SCAPER: variants seen among roughly 807,000 people sequenced by gnomAD.
SCAPER encodes the protein S phase cyclin A-associated protein in the endoplasmic reticulum.
Under a neutral mutation model 182.2 loss-of-function variants are expected in SCAPER, and 98 were observed. The ratio of observed to expected loss-of-function variants is 0.54; its 90% confidence interval spans 0.46 to 0.64. The LOEUF is 0.64. SCAPER is among the 30% of genes least tolerant of loss of function. The pLI is 0.00. For synonymous variants in SCAPER, 605 were observed against 564.6 expected (o/e 1.07, Z -1.01); for missense variants, 1,432 against 1,690.0 (o/e 0.85, Z 2.68).
chr15:76,648,793 T>C (rs1275064492), intron 21 of SCAPER, among the ~76,000 whole-genome samples: 2 of 152,206 alleles, frequency 1.3e-5, no homozygotes, highest in African/African-American at 2.4e-5. Flanking sequence ...CTGAAAGCTG[T>C]GCCAATAGGG....
At chr15:76,436,428 GT>G (rs2047202066) in intron 25 of SCAPER, among the ~76,000 whole-genome samples, 1 of 151,970 alleles carries the variant, frequency 6.6e-6, no homozygotes, top group African/African-American at 2.4e-5. Context: ...TTCTCTGGCT[GT>G]TCATCTTTTT....
intron 8 of SCAPER, among the ~76,000 whole-genome samples, chr15:76,784,660 A>C (rs1034992966): frequency 6.6e-6 from 1 of 152,254 alleles, no homozygotes; most frequent in Admixed American, 6.5e-5. Flanking sequence ...AGTAACCAAA[A>C]CAGCATGGTA....
chr15:76,496,011 C>T (rs1474847692), intron 24 of SCAPER, among the ~76,000 whole-genome samples: 1 of 149,718 alleles, frequency 6.7e-6, no homozygotes, highest in African/African-American at 2.5e-5. Context: ...CACACACACA[C>T]ACACACACAC....
At chr15:76,494,669 C>T (rs1462725661) in intron 24 of SCAPER, among the ~76,000 whole-genome samples, 1 of 152,086 alleles carries the variant, frequency 6.6e-6, no homozygotes, top group African/African-American at 2.4e-5. Context: ...ATTGACGCAA[C>T]CTTCGAACCA....
intron 20 of SCAPER, among the ~76,000 whole-genome samples, chr15:76,694,806 T>G (rs1219613850): frequency 6.6e-6 from 1 of 152,156 alleles, no homozygotes; most frequent in African/African-American, 2.4e-5. Flanking sequence ...CAAATTTAAC[T>G]ATGTACTTTT....
intron 4 of SCAPER, among the ~76,000 whole-genome samples, chr15:76,850,686 C>A (rs1407273195): frequency 6.6e-6 from 1 of 151,892 alleles, no homozygotes; most frequent in African/African-American, 2.4e-5. Flanking sequence ...CACAGTGAAA[C>A]ACCATCTCTA....
intron 21 of SCAPER, among the ~76,000 whole-genome samples, chr15:76,630,811 C>T (rs2053039764): frequency 6.6e-6 from 1 of 152,114 alleles, no homozygotes; most frequent in Non-Finnish European, 1.5e-5. Context: ...TCTATCAGGT[C>T]CACTTGATCC....
At chr15:76,726,223 T>C (rs1478337305) in intron 17 of SCAPER, among the ~76,000 whole-genome samples, 1 of 145,010 alleles carries the variant, frequency 6.9e-6, no homozygotes, top group East Asian at 2.0e-4. Context: ...AGTGGTAACC[T>C]GTCCCCAAAA....
At chr15:76,666,315 T>C (rs2146773855) in intron 20 of SCAPER, among the ~76,000 whole-genome samples, 1 of 152,246 alleles carries the variant, frequency 6.6e-6, no homozygotes, top group East Asian at 1.9e-4. Flanking sequence ...AAGAAGGTCA[T>C]CTCAGAAAAC....
At position 76,354,071 on chromosome 15, in the gene SCAPER, T is replaced by A. The variant is rs760574113; in HGVS notation, c.3925A>T (p.Ser1309Cys). 6.2e-6 allele frequency: 10 copies of A among 1,611,444 alleles called. No individual in the cohort carries two copies. In the Admixed American group the frequency reaches 1.7e-4, roughly 27 times the overall value. ...AGTACTTTGATCAGCCGTGGGTCAC[T>A]GAAATACTGGAAGGGCAACTGGCAG... ...KLCQLPFQYF[S>C]DPRLIKVLFP... is the part of the protein sequence containing the mutation. The change falls in exon 30 of 32, where the codon AGT (serine) becomes TGT (cysteine). Residue 1309 changes from serine to cysteine, a missense_variant. Ser to Cys is a moderately radical substitution (Grantham distance 112). Around this residue, in one of 5 missense-constraint regions of SCAPER, gnomAD observed 718 missense variants for 799.7 expected, o/e 0.90. Transcript: ENST00000563290. This position sits in a 1 kb window ranked among gnomAD's most constrained non-coding sequence, Gnocchi z 4.4.
At chr15:76,902,784 C>G (rs2074860657) in intron 1 of SCAPER, among the ~76,000 whole-genome samples, 1 of 152,186 alleles carries the variant, frequency 6.6e-6, no homozygotes. Context: ...AGGCCAGGTG[C>G]AGTGGCGCAC....
chr15:76,405,896 G>A (rs923114853), intron 26 of SCAPER, among the ~76,000 whole-genome samples: 6 of 152,132 alleles, frequency 3.9e-5, no homozygotes, highest in African/African-American at 1.4e-4. Context: ...AGGATAAACT[G>A]ATGAATAATT....
rs62026897 is a variant in SCAPER at position 76,648,013 on chromosome 15, T to C, written c.2645+17640A>G. Among the ~76,000 whole-genome samples the C allele has an allele frequency of 6.1e-3, 927 of 151,966 alleles. 6 individuals carry two copies. Among genetic ancestry groups the C allele is most frequent in the Middle Eastern group, 0.01 (3 of 294 alleles). On this transcript the variant is annotated intron_variant, in intron 21 of 31. Transcript: ENST00000563290. ...TAAAGAAAACAATAAAACCCAGACA[T>C]AGAGCAATGTAGCATTTATACTGTC...
At chr15:76,889,479 C>T (rs1178935566) in intron 1 of SCAPER, among the ~76,000 whole-genome samples, 1 of 152,060 alleles carries the variant, frequency 6.6e-6, no homozygotes, top group East Asian at 1.9e-4. Flanking sequence ...GGAGGAAGAT[C>T]TACCAAGCAA....
Position 76,348,497 on chromosome 15 carries a change from T to A in SCAPER, c.*136A>T. 1 of 557,192 alleles carries A rather than the reference T, an allele frequency of 1.8e-6. No homozygotes were observed. Among genetic ancestry groups the A allele is most frequent in the Non-Finnish European group, 3.1e-6 (1 of 318,418 alleles). 34.5% of individuals were successfully genotyped at this position (557,192 alleles called of 1,614,324 possible). A position where few individuals can be genotyped will look rare whatever the true frequency, so the allele number is the denominator to read the frequency against. ...GTATCTACAGTCATTATAAATAGTG[T>A]AAAGTACATGCCATATCTACAGTGT... is the stretch of plus-strand genomic sequence containing the variant. On this transcript the variant is annotated 3_prime_UTR_variant, in exon 32 of 32. Transcript: ENST00000563290.
intron 5 of SCAPER, among the ~76,000 whole-genome samples, chr15:76,821,941 T>G (rs1280601877): frequency 6.6e-6 from 1 of 151,610 alleles, no homozygotes; most frequent in Non-Finnish European, 1.5e-5. Flanking sequence ...TATACAACAT[T>G]CTGAAAAAAG....
intron 10 of SCAPER, among the ~76,000 whole-genome samples, chr15:76,768,999 C>T (rs1231590096): frequency 6.6e-6 from 1 of 152,050 alleles, no homozygotes; most frequent in Non-Finnish European, 1.5e-5. Flanking sequence ...TGAAAGAAGT[C>T]AAGCAAAGCT....
At chr15:76,646,905 C>A (rs1215815592) in intron 21 of SCAPER, among the ~76,000 whole-genome samples, 1 of 152,200 alleles carries the variant, frequency 6.6e-6, no homozygotes, top group East Asian at 1.9e-4. Flanking sequence ...CATCTTGAGT[C>A]AGGTCCTAAA....
chr15:76,882,607 G>A lies in SCAPER; in HGVS notation c.6+1205C>T, dbSNP rs2073619533. Among the ~76,000 whole-genome samples the A allele has an allele frequency of 2.6e-5, 4 of 152,218 alleles. No homozygotes were observed. The South Asian group carries it at 6.2e-4, about 24-fold the overall frequency. On this transcript the variant is annotated intron_variant, in intron 2 of 31. Transcript: ENST00000563290. ...ATCAAAACCTTAGAACTGAGGAAGA[G>A]TATGAAGTGGGAGGGATGAAATAAG...
Sources: allele counts gnomAD v4.1 joint callset (sites outside exome capture counted in the v4.1 genomes callset), GRCh38; gene constraint gnomAD v4.1.1; regional missense constraint gnomAD v4.1.1; non-coding constraint Gnocchi (gnomAD v3.1); transcripts MANE v1.5; gene names NCBI Gene and HGNC (gene_info 2026-07-23, HGNC 2026-07-21).